The following TJP1 variants were observed in gnomAD, a reference collection of about 807,000 sequenced individuals.
The protein encoded by TJP1 is tight junction protein 1, also known as tight junction protein ZO-1.
TJP1 carries 43 observed loss-of-function variants against 194.2 expected under a neutral mutation model. That is an observed-to-expected ratio of 0.22 (90% confidence interval 0.17 to 0.29). TJP1 has a LOEUF of 0.29. Among genes scored for constraint, TJP1 ranks in the 10% least tolerant of loss-of-function variants. TJP1 has a pLI of 1.00. For missense variants in TJP1, 1,971 were observed against 2,185.7 expected (o/e 0.90, Z 1.96); for synonymous variants, 801 against 779.0 (o/e 1.03, Z -0.47).
At chr15:29,789,101 G>C (rs1048600991) in intron 2 of TJP1, among the ~76,000 whole-genome samples, 1 of 151,996 alleles carries the variant, frequency 6.6e-6, no homozygotes, top group Non-Finnish European at 1.5e-5. Flanking sequence ...CTATTATAAA[G>C]TTAGTTTCAC....
chr15:29,751,252 C>T (rs1159299511), intron 8 of TJP1, among the ~76,000 whole-genome samples: 1 of 152,184 alleles, frequency 6.6e-6, no homozygotes, highest in East Asian at 1.9e-4. Context: ...AAATAATTAC[C>T]TTAATTCCAC....
intron 1 of TJP1, among the ~76,000 whole-genome samples, chr15:29,961,381 G>A (rs1031780852): frequency 1.7e-5 from 2 of 114,786 alleles, no homozygotes; most frequent in Non-Finnish European, 3.2e-5. Context: ...TCGCTCTGTC[G>A]CCCAGGCCGG....
intron 2 of TJP1, among the ~76,000 whole-genome samples, chr15:29,775,927 G>A (rs1012489901): frequency 2.0e-5 from 3 of 152,076 alleles, no homozygotes; most frequent in Non-Finnish European, 2.9e-5. Context: ...GGCACCAGGC[G>A]CAAATGATTT....
chr15:29,822,090 C>A lies in TJP1; in HGVS notation c.-62G>T. On this transcript the variant is annotated 5_prime_UTR_variant, in exon 1 of 28. Coordinates refer to ENST00000614355, the MANE Select transcript of TJP1 (RefSeq NM_001330239.4). The stretch of plus-strand genomic sequence containing the variant: ...CCCGAAACTCCGCGGCGCTGGCCCG[C>A]CCGCTCCTCACGCCACAGCCCAAAT... 5.6e-6 allele frequency: 7 copies of A among 1,242,782 alleles called. No homozygotes were observed. The highest frequency in any genetic ancestry group is 7.1e-6 in the Non-Finnish European group (7 of 992,610). The allele number at this position is 1,242,782 out of a possible 1,614,324, so 77.0% of individuals were successfully genotyped here.
At chr15:29,853,313 T>A (rs2051717422) in intron 2 of TJP1, among the ~76,000 whole-genome samples, 1 of 152,214 alleles carries the variant, frequency 6.6e-6, no homozygotes, top group African/African-American at 2.4e-5. Context: ...AGTCTCCTGG[T>A]GTTGGAAACG....
chr15:29,872,440 A>G (rs1343810689), intron 2 of TJP1, among the ~76,000 whole-genome samples: 4 of 152,202 alleles, frequency 2.6e-5, no homozygotes, highest in African/African-American at 9.7e-5. Context: ...CATATTTCAG[A>G]TACTGAAGAA....
chr15:29,940,668 C>A (rs1460692695), intron 2 of TJP1, among the ~76,000 whole-genome samples: 2 of 152,174 alleles, frequency 1.3e-5, no homozygotes, highest in Non-Finnish European at 2.9e-5. Context: ...TGATTCTAAT[C>A]ACTGACTGAA....
Position 29,701,486 on chromosome 15 carries a change from AAC to A in TJP1, c.*107_*108del, listed in dbSNP as rs1477562799. On this transcript the variant is annotated 3_prime_UTR_variant, in exon 28 of 28. Coordinates refer to ENST00000614355, the MANE Select transcript of TJP1 (RefSeq NM_001330239.4). ...TCAGTTCAAACAAATGCCTCATACTAACAAACTGTAGTATCAACTCTAAAAAA... is the reference window on the plus strand; with the variant it reads ...TCAGTTCAAACAAATGCCTCATACTAAAACTGTAGTATCAACTCTAAAAAA... 1.2e-6 allele frequency: 1 copy of A among 865,214 alleles called. No homozygotes were observed. Among genetic ancestry groups the A allele is most frequent in the African/African-American group, 1.7e-5 (1 of 58,972 alleles). 53.6% of individuals were successfully genotyped at this position (865,214 alleles called of 1,614,324 possible). A position where few individuals can be genotyped will look rare whatever the true frequency, so the allele number is the denominator to read the frequency against.
intron 2 of TJP1, among the ~76,000 whole-genome samples, chr15:29,923,111 C>A (rs1033798161): frequency 6.6e-6 from 1 of 152,152 alleles, no homozygotes; most frequent in African/African-American, 2.4e-5. Flanking sequence ...CAGAGTGGCA[C>A]TCTGTGTCAA....
chr15:29,770,700 C>A (rs558876131), intron 4 of TJP1, among the ~76,000 whole-genome samples: 117 of 150,730 alleles, frequency 7.8e-4, no homozygotes, highest in Non-Finnish European at 1.1e-3. Flanking sequence ...AAGAAAAAAA[C>A]CAAAAAGAAC....
chr15:29,735,741 C>T (rs1377351587), intron 11 of TJP1, among the ~76,000 whole-genome samples: 4 of 151,948 alleles, frequency 2.6e-5, no homozygotes, highest in Non-Finnish European at 5.9e-5. Context: ...TGTTTTTGAC[C>T]TAACTTGATT....
At chr15:29,917,985 C>T (rs999269311) in intron 2 of TJP1, among the ~76,000 whole-genome samples, 6 of 152,124 alleles carry the variant, frequency 3.9e-5, no homozygotes, top group Non-Finnish European at 1.5e-5. Flanking sequence ...AACACTAACT[C>T]CTCACTCCCT....
intron 2 of TJP1, among the ~76,000 whole-genome samples, chr15:29,944,669 G>A (rs2055212291): frequency 6.6e-6 from 1 of 152,016 alleles, no homozygotes; most frequent in South Asian, 2.1e-4. Context: ...TATTTTCACT[G>A]AGATAAGGCT....
chr15:29,925,449 A>C (rs1434153100), intron 2 of TJP1, among the ~76,000 whole-genome samples: 2 of 152,028 alleles, frequency 1.3e-5, no homozygotes, highest in African/African-American at 2.4e-5. Context: ...GAGGGCAGAC[A>C]CTCAGGCGCT....
At chr15:29,820,740 G>C in intron 1 of TJP1, 3 of 590,610 alleles carry the variant, frequency 5.1e-6, no homozygotes, top group Non-Finnish European at 9.1e-6. Flanking sequence ...GCAAAATGTT[G>C]CCTTTTATCC....
At chr15:29,775,280 T>C (rs1279273119) in intron 2 of TJP1, among the ~76,000 whole-genome samples, 3 of 150,824 alleles carry the variant, frequency 2.0e-5, no homozygotes, top group Non-Finnish European at 4.4e-5. Context: ...AGAAAATCTG[T>C]AGTGTTTCCT....
intron 15 of TJP1, among the ~76,000 whole-genome samples, chr15:29,731,751 C>T (rs940413355): frequency 2.0e-5 from 3 of 151,364 alleles, no homozygotes; most frequent in African/African-American, 7.3e-5. Context: ...GCCTGAAATA[C>T]CATGATTGTT....
intron 2 of TJP1, among the ~76,000 whole-genome samples, chr15:29,844,925 A>G (rs866267766): frequency 4.7e-4 from 71 of 152,294 alleles, no homozygotes; most frequent in African/African-American, 1.7e-3. Context: ...TGCCAATGGT[A>G]AGAGGTTTGG....
chr15:29,967,040 G>A (rs1051882504), intron 1 of TJP1, among the ~76,000 whole-genome samples: 7 of 150,022 alleles, frequency 4.7e-5, no homozygotes, highest in Non-Finnish European at 8.9e-5. Context: ...TTTGAAATAG[G>A]AGTCTCACTC....
Sources: gnomAD v4.1 joint callset for allele counts (sites outside exome capture counted in the v4.1 genomes callset) on GRCh38, gnomAD v4.1.1 for gene constraint, MANE v1.5 for transcripts, NCBI Gene and HGNC (gene_info 2026-07-23, HGNC 2026-07-21) for gene names.